The following KCNMA1 variants were observed in gnomAD, a reference collection of about 807,000 sequenced individuals.
KCNMA1 encodes Calcium-activated potassium channel subunit alpha-1.
Under a neutral mutation model 140.0 loss-of-function variants are expected in KCNMA1, and 29 were observed. The observed-to-expected ratio is 0.21, with a 90% confidence interval of 0.15 to 0.28. The LOEUF (loss-of-function observed/expected upper bound fraction) is 0.28. Among genes scored for constraint, KCNMA1 ranks in the 10% least tolerant of loss-of-function variants. KCNMA1 has a pLI of 1.00. For missense variants in KCNMA1, 880 were observed against 1,602.2 expected, an observed-to-expected ratio of 0.55 and a Z score of 7.70; for synonymous variants, 612 against 611.9, an observed-to-expected ratio of 1.00 and a Z score of 0.00.
chr10:77,156,854 C>T lies in KCNMA1; in HGVS notation c.808+26567G>A, dbSNP rs139991375. Among the ~76,000 whole-genome samples, 732 of 152,312 alleles carry T rather than the reference C, an allele frequency of 4.8e-3. 7 individuals carry two copies. Among genetic ancestry groups the T allele is most frequent in the African/African-American group, 0.017 (692 of 41,562 alleles). On this transcript the variant is annotated intron_variant, in intron 5 of 27. Transcript: ENST00000286628. Reference sequence around the variant, plus strand: ...TGGTCCCCACCCAGAGGACTCAACACGAGTGGACTGTTTTCCATACGCTTG... The same window carrying T: ...TGGTCCCCACCCAGAGGACTCAACATGAGTGGACTGTTTTCCATACGCTTG...
intron 24 of KCNMA1, chr10:76,910,944 A>G (rs1004554601): frequency 1.3e-5 from 2 of 152,358 alleles, no homozygotes; most frequent in Admixed American, 6.5e-5. Context: ...ACTTATTAAA[A>G]ATTAAATGAC....
chr10:77,073,683 C>T (rs183435582), intron 13 of KCNMA1, among the ~76,000 whole-genome samples: 21 of 152,324 alleles, frequency 1.4e-4, no homozygotes, highest in African/African-American at 3.1e-4. Context: ...GCATCAGGAG[C>T]GGGCATCAGA....
At chr10:77,512,017 T>G (rs1014973675) in intron 1 of KCNMA1, among the ~76,000 whole-genome samples, 1 of 152,194 alleles carries the variant, frequency 6.6e-6, no homozygotes, top group African/African-American at 2.4e-5. Context: ...GCCTGGATGT[T>G]TGATAAATTG....
chr10:77,472,102 A>T (rs200096504), intron 1 of KCNMA1, among the ~76,000 whole-genome samples: 1 of 148,574 alleles, frequency 6.7e-6, no homozygotes, highest in Non-Finnish European at 1.5e-5. Flanking sequence ...ACACCACATA[A>T]ATACCCACAC....
rs933488490 is a variant in KCNMA1 at position 76,877,991 on chromosome 10, G to T, written c.3428-101C>A. On this transcript the variant is annotated intron_variant, in intron 29 of 29. Coordinates refer to the KCNMA1 transcript ENST00000372403. ...GAAAGTTCATTGAAAAACGCAAAAA[G>T]GTAATCGATAGAAGCCGACAGTGAG... 2.5e-5 allele frequency: 30 copies of T among 1,186,858 alleles called. 1 individual carries two copies. In the South Asian group the frequency reaches 3.6e-4, roughly 14 times the overall value. 73.5% of individuals were successfully genotyped at this position (1,186,858 alleles called of 1,614,324 possible).
intron 3 of KCNMA1, among the ~76,000 whole-genome samples, chr10:77,201,842 T>C (rs1192924266): frequency 3.3e-5 from 5 of 151,764 alleles, no homozygotes; most frequent in Non-Finnish European, 7.4e-5. Context: ...AAAAAGTGCT[T>C]GTAAAAACTG....
chr10:77,507,112 G>C (rs1157687718), intron 1 of KCNMA1, among the ~76,000 whole-genome samples: 2 of 152,096 alleles, frequency 1.3e-5, no homozygotes, highest in Admixed American at 1.3e-4. Context: ...GCAAACTTTT[G>C]TTTCCATAGT....
At chr10:77,320,833 C>T (rs910312255) in intron 2 of KCNMA1, among the ~76,000 whole-genome samples, 1 of 152,206 alleles carries the variant, frequency 6.6e-6, no homozygotes, top group Admixed American at 6.5e-5. Flanking sequence ...CACACCAAGG[C>T]AGGCACTCAC....
chr10:77,089,753 G>T (rs2153790169), intron 10 of KCNMA1, among the ~76,000 whole-genome samples: 1 of 152,314 alleles, frequency 6.6e-6, no homozygotes, highest in African/African-American at 2.4e-5. Flanking sequence ...TCATCTCCAT[G>T]ATTTATGGAT....
At chr10:77,221,913 G>C (rs1034833695) in intron 3 of KCNMA1, among the ~76,000 whole-genome samples, 9 of 152,160 alleles carry the variant, frequency 5.9e-5, no homozygotes, top group Non-Finnish European at 1.2e-4. Flanking sequence ...GACAGATGCA[G>C]GTTCAAATCC....
At chr10:77,107,898 G>A (rs1294160245) in intron 9 of KCNMA1, among the ~76,000 whole-genome samples, 1 of 152,164 alleles carries the variant, frequency 6.6e-6, no homozygotes, top group Non-Finnish European at 1.5e-5. Context: ...CTCTGCCAGA[G>A]TCTTATCCTG....
chr10:77,063,749 G>C (rs2095842055), intron 14 of KCNMA1: 1 of 985,170 alleles, frequency 1.0e-6, no homozygotes, highest in African/African-American at 1.7e-5. Flanking sequence ...CACTAACAGT[G>C]GATGGCACTC....
intron 2 of KCNMA1, among the ~76,000 whole-genome samples, chr10:77,321,939 T>C (rs1015941926): frequency 3.9e-5 from 6 of 152,202 alleles, no homozygotes; most frequent in Admixed American, 2.6e-4. Flanking sequence ...TTAATCAGGA[T>C]AGACAAGGTT....
At chr10:77,101,173 C>A (rs1215732814) in intron 9 of KCNMA1, among the ~76,000 whole-genome samples, 1 of 152,028 alleles carries the variant, frequency 6.6e-6, no homozygotes, top group African/African-American at 2.4e-5. Flanking sequence ...ATGTCCCACG[C>A]CCACCAAGAC....
At position 76,887,508 on chromosome 10, in the gene KCNMA1, T is replaced by C. The variant is rs748221869; in HGVS notation, c.3469A>G (p.Ile1157Val). ...TPSQCTKRYV[I>V]TNPPYEFELV... The stretch of plus-strand genomic sequence containing the variant: ...TCAAACTCATAGGGCGGGTTGGTGA[T>C]GACATACCTGGACAGGGAAAGCAGA... The change falls in exon 28 of 28, where the codon ATC (isoleucine) becomes GTC (valine). Residue 1157 changes from isoleucine (I) to valine (V), a missense_variant. Transcript: ENST00000286628. The C allele has an allele frequency of 6.2e-7, 1 of 1,614,138 alleles. No homozygotes were observed. The highest frequency in any genetic ancestry group is 1.7e-5 in the Admixed American group (1 of 60,018).
At chr10:77,616,353 A>T (rs941133232) in intron 1 of KCNMA1, among the ~76,000 whole-genome samples, 3 of 152,240 alleles carry the variant, frequency 2.0e-5, no homozygotes, top group Non-Finnish European at 2.9e-5. Context: ...AAAATGTCAC[A>T]GTCTCCCAAA....
chr10:76,937,356 C>G (rs527541752), intron 23 of KCNMA1, among the ~76,000 whole-genome samples: 24 of 152,308 alleles, frequency 1.6e-4, no homozygotes, highest in Middle Eastern at 3.4e-3. Flanking sequence ...CAACATTTTT[C>G]TGTTTGTTTG....
chr10:77,142,383 GAAAAGAAAAGAAA>G (rs1215781008), intron 5 of KCNMA1, among the ~76,000 whole-genome samples: 2 of 143,426 alleles, frequency 1.4e-5, no homozygotes, highest in Non-Finnish European at 3.1e-5. Context: ...AAAAAAAAAA[GAAAAGAAAAGAAA>G]AAAAGAAAAC....
chr10:77,112,534 A>T (rs766056212), intron 6 of KCNMA1, 92 bp from the exon 7 acceptor site: 37 of 849,944 alleles, frequency 4.4e-5, no homozygotes, highest in Non-Finnish European at 5.6e-5. Context: ...GCTTAGCAGG[A>T]GAGGCTGCCA....
Sources: allele counts gnomAD v4.1 joint callset (sites outside exome capture counted in the v4.1 genomes callset), GRCh38; gene constraint gnomAD v4.1.1; transcripts MANE v1.5; gene names NCBI Gene and HGNC (gene_info 2026-07-23, HGNC 2026-07-21).